EEFSEC: variants seen among roughly 807,000 people sequenced by gnomAD.
EEFSEC encodes the protein eukaryotic elongation factor, selenocysteine-tRNA specific, also known as selenocysteine-specific elongation factor.
In EEFSEC, 43 loss-of-function variants were observed where a neutral mutation model predicts 42.1. That is an observed-to-expected ratio of 1.02 (90% CI 0.80 to 1.32). The LOEUF (loss-of-function observed/expected upper bound fraction) is 1.32. Among genes scored for constraint, EEFSEC ranks in the 40% most tolerant of loss-of-function variants. The probability of loss-of-function intolerance (pLI) is 0.00; values close to 1 mark genes in which losing one functional copy is unlikely to be tolerated. For synonymous variants in EEFSEC, 354 were observed against 339.1 expected, an observed-to-expected ratio of 1.04 and a Z score of -0.48; for missense variants, 745 against 803.6, an observed-to-expected ratio of 0.93 and a Z score of 0.88.
At chr3:128,394,219 G>A (rs999528675) in intron 6 of EEFSEC, among the ~76,000 whole-genome samples, 8 of 152,290 alleles carry the variant, frequency 5.3e-5, no homozygotes, top group South Asian at 2.1e-4. Flanking sequence ...ATAGACTGTT[G>A]GAGTCTGCAG....
At position 128,236,541 on chromosome 3, in the gene EEFSEC, G is replaced by C. The variant is rs527343969; in HGVS notation, c.317-10295G>C. Among the ~76,000 whole-genome samples, 3 of 151,656 alleles carry C rather than the reference G, an allele frequency of 2.0e-5. No homozygotes were observed. In the South Asian group the frequency reaches 6.3e-4, roughly 32 times the overall value. ...TCAGTATTATTTTGTCAGTACAGTAGGTGAAAAACAGAATTTCAGTGTACA... is the reference window on the plus strand; with the variant it reads ...TCAGTATTATTTTGTCAGTACAGTACGTGAAAAACAGAATTTCAGTGTACA... On this transcript the variant is annotated intron_variant, in intron 1 of 6. Transcript: ENST00000254730.
intron 4 of EEFSEC, among the ~76,000 whole-genome samples, chr3:128,333,157 T>C (rs2067152287): frequency 6.6e-6 from 1 of 152,238 alleles, no homozygotes; most frequent in African/African-American, 2.4e-5. Flanking sequence ...GGCTCATTAG[T>C]GGAACAAAAT....
chr3:128,291,464 G>T (rs967509983), intron 4 of EEFSEC, among the ~76,000 whole-genome samples: 25 of 152,216 alleles, frequency 1.6e-4, no homozygotes, highest in African/African-American at 6.0e-4. Flanking sequence ...GAAGCCTTCT[G>T]CTAGGTTCTG....
In EEFSEC at chr3:128,317,600, A is replaced by G. The variant is rs939081132; in HGVS notation, c.787-23633A>G. On this transcript the variant is annotated intron_variant, in intron 4 of 6. Transcript: ENST00000254730. This position sits in a 1 kb window ranked among gnomAD's most constrained non-coding sequence, Gnocchi z 4.1. ...GGAGTCGTTCTGACCTTTGTACTTCATCACTCCTCACCCCTGTGTGGCATC... is the reference window on the plus strand; with the variant it reads ...GGAGTCGTTCTGACCTTTGTACTTCGTCACTCCTCACCCCTGTGTGGCATC... Among the ~76,000 whole-genome samples the G allele has an allele frequency of 1.3e-5, 2 of 152,076 alleles. No individual in the cohort carries two copies. Among genetic ancestry groups the G allele is most frequent in the Non-Finnish European group, 2.9e-5 (2 of 68,000 alleles).
chr3:128,384,493 G>A (rs2067814243), intron 6 of EEFSEC, among the ~76,000 whole-genome samples: 1 of 152,228 alleles, frequency 6.6e-6, no homozygotes, highest in African/African-American at 2.4e-5. Flanking sequence ...AGCATACACA[G>A]GTGGCATTGC....
chr3:128,343,577 T>A (rs552550841), intron 5 of EEFSEC, among the ~76,000 whole-genome samples: 3 of 152,316 alleles, frequency 2.0e-5, no homozygotes, highest in Admixed American at 6.5e-5. Context: ...TTATTAGCAG[T>A]GTTTGGAGTA....
intron 1 of EEFSEC, among the ~76,000 whole-genome samples, chr3:128,160,384 T>C (rs1322981951): frequency 6.6e-6 from 1 of 151,992 alleles, no homozygotes; most frequent in Non-Finnish European, 1.5e-5. Context: ...GAAATCGGCG[T>C]GGTGTGTGGG....
At chr3:128,378,361 G>A (rs2067733960) in intron 6 of EEFSEC, among the ~76,000 whole-genome samples, 1 of 152,126 alleles carries the variant, frequency 6.6e-6, no homozygotes, top group African/African-American at 2.4e-5. Context: ...CCACCCAGAA[G>A]AGTAGGGGAG....
At chr3:128,243,857 C>G (rs1350114650) in intron 1 of EEFSEC, among the ~76,000 whole-genome samples, 2 of 152,146 alleles carry the variant, frequency 1.3e-5, no homozygotes, top group African/African-American at 4.8e-5. Flanking sequence ...AACCTGGGCA[C>G]CAGGGTTCAG....
chr3:128,222,025 GTTTTTTTTTTTT>G (rs60162922), intron 1 of EEFSEC, among the ~76,000 whole-genome samples: 1 of 96,364 alleles, frequency 1.0e-5, no homozygotes, highest in Non-Finnish European at 1.9e-5. Flanking sequence ...TTTTTTCAAA[GTTTTTTTTTTTT>G]TTTTTTTTTT....
chr3:128,224,134 C>G (rs1168541954), intron 1 of EEFSEC, among the ~76,000 whole-genome samples: 1 of 152,114 alleles, frequency 6.6e-6, no homozygotes. Flanking sequence ...ACTTTTAAAT[C>G]TTCAATGAAC....
chr3:128,163,504 T>C (rs112121366), intron 1 of EEFSEC, among the ~76,000 whole-genome samples: 19 of 152,106 alleles, frequency 1.2e-4, no homozygotes, highest in African/African-American at 4.6e-4. Context: ...ATAGTGTTTA[T>C]ATAATTTTTT....
chr3:128,360,841 T>C (rs2067517130), intron 6 of EEFSEC, among the ~76,000 whole-genome samples: 1 of 152,168 alleles, frequency 6.6e-6, no homozygotes, highest in Non-Finnish European at 1.5e-5. Context: ...TGTTTGTGGC[T>C]TTTAAGCTTT....
intron 4 of EEFSEC, among the ~76,000 whole-genome samples, chr3:128,332,561 C>T (rs2067145408): frequency 6.6e-6 from 1 of 152,214 alleles, no homozygotes; most frequent in Admixed American, 6.5e-5. Flanking sequence ...AAGTGATTCT[C>T]CCACCCCAGC....
chr3:128,228,484 A>T (rs2065929399), intron 1 of EEFSEC, among the ~76,000 whole-genome samples: 1 of 151,782 alleles, frequency 6.6e-6, no homozygotes, highest in Non-Finnish European at 1.5e-5. Flanking sequence ...GTATGAGGAG[A>T]TGGGGGTGGT....
chr3:128,319,211 C>A (rs1356128374), intron 4 of EEFSEC, among the ~76,000 whole-genome samples: 1 of 152,210 alleles, frequency 6.6e-6, no homozygotes, highest in Admixed American at 6.5e-5. Flanking sequence ...GGCTCCTGAC[C>A]CTCAAGGCAG....
At chr3:128,335,631 C>A (rs1033712116) in intron 4 of EEFSEC, among the ~76,000 whole-genome samples, 32 of 152,238 alleles carry the variant, frequency 2.1e-4, no homozygotes, top group African/African-American at 7.2e-4. Flanking sequence ...AGATGGGAGG[C>A]CAGTGGAGAG....
chr3:128,223,780 A>G (rs753372520), intron 1 of EEFSEC, among the ~76,000 whole-genome samples: 43 of 152,204 alleles, frequency 2.8e-4, no homozygotes, highest in South Asian at 4.1e-4. Context: ...GCATGTGCCC[A>G]TGTGCGTGCA....
chr3:128,418,083 G>A, the EEFSEC span, among the ~76,000 whole-genome samples: 3 of 152,086 alleles, frequency 2.0e-5, no homozygotes, highest in South Asian at 4.2e-4. Context: ...GGATGTGGCC[G>A]GCACCTCCCA....
Sources: gnomAD v4.1 joint callset for allele counts (sites outside exome capture counted in the v4.1 genomes callset) on GRCh38, gnomAD v4.1.1 for gene constraint, Gnocchi (gnomAD v3.1) non-coding constraint, MANE v1.5 for transcripts, NCBI Gene and HGNC (gene_info 2026-07-23, HGNC 2026-07-21) for gene names.